SAMD14: variants seen among roughly 807,000 people sequenced by gnomAD.
The protein encoded by SAMD14 is sterile alpha motif domain-containing protein 14.
SAMD14 carries 27 observed loss-of-function variants against 46.2 expected under a neutral mutation model. The ratio of observed to expected loss-of-function variants is 0.58; its 90% CI spans 0.43 to 0.81. The LOEUF (loss-of-function observed/expected upper bound fraction) is 0.81, where lower values mean the gene tolerates loss of function less well. Among genes scored for constraint, SAMD14 ranks in the 30% least tolerant of loss-of-function variants. SAMD14 has a pLI of 0.00. For missense variants in SAMD14, 559 were observed against 582.2 expected (o/e 0.96, Z 0.41); for synonymous variants, 241 against 254.3 (o/e 0.95, Z 0.50).
rs1024174774 is a variant in SAMD14 at position 50,115,446 on chromosome 17, A to G, written c.822+118T>C. On this transcript the variant is annotated intron_variant, in intron 7 of 9. Transcript: ENST00000330175. The surrounding 1 kb of genome is among the most constrained non-coding windows in gnomAD (Gnocchi z 5.3). ...AAGTAACGGATCACTGCATGGCTCCATGGATGGACAAATTGATTCCAGGAA... is the reference window on the plus strand; with the variant it reads ...AAGTAACGGATCACTGCATGGCTCCGTGGATGGACAAATTGATTCCAGGAA... 4 of 1,114,176 alleles carry G rather than the reference A, an allele frequency of 3.6e-6. No individual in the cohort carries two copies. Among genetic ancestry groups the G allele is most frequent in the Non-Finnish European group, 5.1e-6 (4 of 789,240 alleles). The allele number at this position is 1,114,176 out of a possible 1,614,324, so 69.0% of individuals were successfully genotyped here.
chr17:50,122,920 G>A (rs912367890), intron 2 of SAMD14, among the ~76,000 whole-genome samples: 2 of 152,058 alleles, frequency 1.3e-5, no homozygotes, highest in African/African-American at 4.8e-5. Context: ...TGTCCAGGGG[G>A]CAACCTGCTG....
Position 50,115,458 on chromosome 17 carries a change from A to G in SAMD14, c.822+106T>C. The G allele has an allele frequency of 7.9e-7, 1 of 1,264,112 alleles. No homozygotes were observed. Among genetic ancestry groups the G allele is most frequent in the Non-Finnish European group, 1.1e-6 (1 of 919,798 alleles). 78.3% of individuals were successfully genotyped at this position (1,264,112 alleles called of 1,614,324 possible). On this transcript the variant is annotated intron_variant, in intron 7 of 9. Transcript: ENST00000330175. This position sits in a 1 kb window ranked among gnomAD's most constrained non-coding sequence, Gnocchi z 5.3. ...ACTGCATGGCTCCATGGATGGACAA[A>G]TTGATTCCAGGAATGTCTGAATCCC...
intron 2 of SAMD14, among the ~76,000 whole-genome samples, chr17:50,123,277 C>T (rs138786403): frequency 2.2e-3 from 342 of 152,338 alleles, no homozygotes; most frequent in African/African-American, 7.3e-3. Flanking sequence ...TACACCCTCT[C>T]TGAAGCAGAG....
At chr17:50,113,188 G>A (rs939492602) in intron 9 of SAMD14, 140 bp from the exon 10 acceptor site, 10 of 912,344 alleles carry the variant, frequency 1.1e-5, no homozygotes, top group Non-Finnish European at 1.6e-5. Context: ...CTCCCACACC[G>A]TGACCTGCCC....
rs1375801101 is a variant in SAMD14 at position 50,117,702 on chromosome 17, G to T, written c.211-7C>A. ...TCCCGCAGCCATCGGTCACCTGGAC[G>T]AGGGGGCAGCCGCTCACCGAGAACC... On this transcript the variant is annotated splice_region_variant and splice_polypyrimidine_tract_variant and intron_variant, in intron 3 of 9. Transcript: ENST00000330175. 1.4e-6 allele frequency: 2 copies of T among 1,436,048 alleles called. No individual in the cohort carries two copies. Among genetic ancestry groups the T allele is most frequent in the African/African-American group, 3.0e-5 (2 of 67,602 alleles). 89.0% of individuals were successfully genotyped at this position (1,436,048 alleles called of 1,614,324 possible). A position where few individuals can be genotyped will look rare whatever the true frequency, so the allele number is the denominator to read the frequency against.
chr17:50,127,494 G>A (rs973685409), intron 1 of SAMD14, among the ~76,000 whole-genome samples: 20 of 151,698 alleles, frequency 1.3e-4, no homozygotes, highest in African/African-American at 4.8e-4. Flanking sequence ...CCAGCTACTC[G>A]GGAGACAGAG....
rs569281096 is a variant in SAMD14 at position 50,111,506 on chromosome 17, C to T, written c.*1387G>A. The T allele has an allele frequency of 6.6e-6, 1 of 152,400 alleles. No individual in the cohort carries two copies. Among genetic ancestry groups the T allele is most frequent in the East Asian group, 1.9e-4 (1 of 5,180 alleles). The allele number at this position is 152,400 out of a possible 1,614,324, so 9.4% of individuals were successfully genotyped here. A position where few individuals can be genotyped will look rare whatever the true frequency, so the allele number is the denominator to read the frequency against. On this transcript the variant is annotated 3_prime_UTR_variant, in exon 10 of 10. Coordinates refer to ENST00000330175, the MANE Select transcript of SAMD14 (RefSeq NM_001257359.2). Reference sequence around the variant, plus strand: ...TTTCCCTCCGAAGCCCCTCTCCCAGCACAGATAGCAGAGGGGGGATAAGGG... The same window carrying T: ...TTTCCCTCCGAAGCCCCTCTCCCAGTACAGATAGCAGAGGGGGGATAAGGG...
At chr17:50,125,063 C>T in intron 1 of SAMD14, 92 bp from the exon 2 acceptor site, 4 of 1,167,280 alleles carry the variant, frequency 3.4e-6, no homozygotes, top group Non-Finnish European at 5.1e-6. Flanking sequence ...AGGCTACCTG[C>T]TCCAGGCCTG....
rs757433914 is a variant in SAMD14 at position 50,117,462 on chromosome 17, G to A, written c.444C>T (p.Ser148=). 1.0e-5 allele frequency: 14 copies of A among 1,388,714 alleles called. No individual in the cohort carries two copies. The African/African-American group carries it at 1.4e-4, about 13-fold the overall frequency. 86.0% of individuals were successfully genotyped at this position (1,388,714 alleles called of 1,614,324 possible). ...GGCGCACGAAGCTGGGGGAGCTGTC[G>A]GAGGAGGGCGCGGAGCGCGGCGGAG... ...SCSPPRSAPS[S]DSSPSFVRRH... is the part of the protein sequence containing the mutation. The change falls in exon 4 of 10, where the codon TCC becomes TCT. Residue 148 remains serine (S), a synonymous_variant. Coordinates refer to ENST00000330175, the MANE Select transcript of SAMD14 (RefSeq NM_001257359.2).
intron 1 of SAMD14, among the ~76,000 whole-genome samples, chr17:50,126,740 G>T (rs977922744): frequency 1.3e-5 from 2 of 152,148 alleles, no homozygotes; most frequent in Non-Finnish European, 1.5e-5. Context: ...AGACTGAGGT[G>T]GGAGGATCAC....
chr17:50,126,406 G>A (rs1024754783), intron 1 of SAMD14, among the ~76,000 whole-genome samples: 7 of 150,794 alleles, frequency 4.6e-5, no homozygotes, highest in Admixed American at 1.3e-4. Flanking sequence ...CCGGGTCCAC[G>A]CCATTCTCCT....
intron 1 of SAMD14, among the ~76,000 whole-genome samples, chr17:50,126,826 G>A (rs574956268): frequency 2.9e-4 from 44 of 152,096 alleles, no homozygotes; most frequent in African/African-American, 1.1e-3. Flanking sequence ...GTAGCTGGGC[G>A]TGATAGCTCA....
rs1446191989 is a variant in SAMD14 at position 50,116,076 on chromosome 17, C to T, written c.514G>A (p.Ala172Thr). The T allele has an allele frequency of 3.7e-6, 6 of 1,613,632 alleles. No homozygotes were observed. The Admixed American group carries it at 5.0e-5, about 13-fold the overall frequency. ...GGGCTGGCGGGCTCAGGAGGACTGG[C>T]GTCACGGCTGTCATCTTTCCAGGGA... ...EPHSEDDSRD[A>T]SPPEPASPTI... Residue 172 changes from alanine to threonine, a missense_variant, in exon 5 of 10, where the codon GCC (alanine) becomes ACC (threonine). Coordinates refer to ENST00000330175, the MANE Select transcript of SAMD14 (RefSeq NM_001257359.2).
chr17:50,124,183 G>T (rs1911636841), intron 2 of SAMD14: 1 of 456,112 alleles, frequency 2.2e-6, no homozygotes. Flanking sequence ...GTGCATGCTG[G>T]GAACTCTGCC....
In SAMD14 at chr17:50,110,293, G is replaced by A. The variant is rs544704742; in HGVS notation, c.*2600C>T. 65 of 491,026 alleles carry A rather than the reference G, an allele frequency of 1.3e-4. 1 individual carries two copies. In the South Asian group the frequency reaches 2.7e-3, roughly 21 times the overall value. 30.4% of individuals were successfully genotyped at this position (491,026 alleles called of 1,614,324 possible). A position where few individuals can be genotyped will look rare whatever the true frequency, so the allele number is the denominator to read the frequency against. ...CAGTCCATCTCTGTGGAGACCCCTC[G>A]GTGGCCTCCCTATCTCTGTGGGCGA... On this transcript the variant is annotated 3_prime_UTR_variant, in exon 10 of 10. Coordinates refer to ENST00000330175, the MANE Select transcript of SAMD14 (RefSeq NM_001257359.2).
chr17:50,112,917 T>G lies in SAMD14; in HGVS notation c.1230A>C (p.Arg410=). The change falls in exon 10 of 10, where the codon CGA becomes CGC. Residue 410 remains arginine, a synonymous_variant. Transcript: ENST00000330175. ...CCTAGCTCTTCTTGGCCTCCTGCTC[T>G]CGGCGCCGGAGCTTCTCCCGCTGCC... The part of the protein sequence containing the change: ...AARQREKLRR[R]EQEAKKS 1.2e-6 allele frequency: 2 copies of G among 1,606,880 alleles called. No homozygotes were observed. Among genetic ancestry groups the G allele is most frequent in the East Asian group, 2.2e-5 (1 of 44,858 alleles).
intron 2 of SAMD14, among the ~76,000 whole-genome samples, chr17:50,122,732 T>C (rs1162677527): frequency 1.3e-5 from 2 of 152,122 alleles, no homozygotes; most frequent in Non-Finnish European, 2.9e-5. Context: ...GGCTGAGGTC[T>C]GGGTAACCAT....
chr17:50,123,948 TA>T (rs771934092), intron 2 of SAMD14: 1 of 393,470 alleles, frequency 2.5e-6, no homozygotes, highest in Non-Finnish European at 5.2e-6. Flanking sequence ...AGTTCAAGGC[TA>T]GGGGAGCTGG....
intron 2 of SAMD14, 124 bp downstream of exon 2, chr17:50,124,793 A>G (rs1340181218): frequency 6.5e-6 from 6 of 924,544 alleles, no homozygotes; most frequent in African/African-American, 3.3e-5. Context: ...ACACACACAC[A>G]CACACACACA....
Sources: gnomAD v4.1 joint callset for allele counts (sites outside exome capture counted in the v4.1 genomes callset) on GRCh38, gnomAD v4.1.1 for gene constraint, Gnocchi (gnomAD v3.1) non-coding constraint, MANE v1.5 for transcripts, NCBI Gene and HGNC (gene_info 2026-07-23, HGNC 2026-07-21) for gene names.